COL21A1: variants seen among roughly 807,000 people sequenced by gnomAD.
COL21A1 encodes the protein collagen type XXI alpha 1 chain, also known as collagen alpha-1(XXI) chain.
COL21A1 carries 149 observed loss-of-function variants against 137.9 expected under a neutral mutation model. That is an observed-to-expected ratio of 1.08 (90% confidence interval 0.95 to 1.24). COL21A1 has a LOEUF of 1.24. COL21A1 is among the 50% of genes most tolerant of loss of function. COL21A1 has a pLI of 0.00. For synonymous variants in COL21A1, 456 were observed against 391.5 expected (o/e 1.16, Z -1.95); for missense variants, 1,167 against 1,158.4 (o/e 1.01, Z -0.11).
intron 1 of COL21A1, among the ~76,000 whole-genome samples, chr6:56,238,813 T>C (rs1782077798): frequency 6.6e-6 from 1 of 152,118 alleles, no homozygotes; most frequent in Non-Finnish European, 1.5e-5. Flanking sequence ...TTCCAAAACA[T>C]AGGGATTCAA....
At chr6:56,158,270 T>TC (rs141154293) in intron 9 of COL21A1, among the ~76,000 whole-genome samples, 127 of 110,250 alleles carry the variant, frequency 1.2e-3, no homozygotes, top group Non-Finnish European at 1.9e-3. Context: ...TTTTTTCTTT[T>TC]TTTTTTTTTT....
intron 16 of COL21A1, among the ~76,000 whole-genome samples, chr6:56,102,651 A>C (rs1217461106): frequency 6.6e-6 from 1 of 152,200 alleles, no homozygotes; most frequent in Admixed American, 6.5e-5. Flanking sequence ...AATTATAGAA[A>C]ATAAAGCACA....
At chr6:56,391,126 C>T (rs2094028966) in intron 1 of COL21A1, among the ~76,000 whole-genome samples, 1 of 152,084 alleles carries the variant, frequency 6.6e-6, no homozygotes, top group Non-Finnish European at 1.5e-5. Context: ...AGTAACTTTT[C>T]CAACCACCAT....
intron 1 of COL21A1, among the ~76,000 whole-genome samples, chr6:56,211,157 TTG>T (rs990939754): frequency 1.9e-4 from 19 of 99,586 alleles, no homozygotes; most frequent in Non-Finnish European, 3.7e-4. Context: ...TGTGTAAATT[TTG>T]TGTGTATATG....
intron 1 of COL21A1, among the ~76,000 whole-genome samples, chr6:56,246,743 A>C (rs2152327774): frequency 6.6e-6 from 1 of 152,306 alleles, no homozygotes; most frequent in East Asian, 1.9e-4. Context: ...TATTTCTCAA[A>C]GTTACCAGGT....
chr6:56,386,360 A>T (rs2094018215), intron 1 of COL21A1, among the ~76,000 whole-genome samples: 1 of 152,202 alleles, frequency 6.6e-6, no homozygotes, highest in African/African-American at 2.4e-5. Context: ...GGCTAATGTG[A>T]ATAGTGCTGC....
At chr6:56,115,719 C>A (rs1011121503) in intron 16 of COL21A1, among the ~76,000 whole-genome samples, 2 of 151,922 alleles carry the variant, frequency 1.3e-5, no homozygotes, top group Non-Finnish European at 2.9e-5. Context: ...AAATATGTAA[C>A]CTTTAAGACA....
intron 1 of COL21A1, among the ~76,000 whole-genome samples, chr6:56,311,823 A>G (rs1764622972): frequency 6.6e-6 from 1 of 152,168 alleles, no homozygotes. Context: ...GATCCTTGCA[A>G]TGGCAGAGGG....
chr6:56,082,324 AAAAC>A (rs767299564), intron 17 of COL21A1, among the ~76,000 whole-genome samples: 22 of 145,416 alleles, frequency 1.5e-4, no homozygotes, highest in Admixed American at 1.4e-3. Flanking sequence ...TGGATGTGTT[AAAAC>A]AAACAAACAA....
intron 1 of COL21A1, among the ~76,000 whole-genome samples, chr6:56,259,983 G>T (rs1055007163): frequency 2.4e-4 from 37 of 152,204 alleles, no homozygotes; most frequent in African/African-American, 8.9e-4. Context: ...ATTGAGGAAA[G>T]AAAGCATGGC....
chr6:56,150,560 AC>A (rs770119090), intron 10 of COL21A1, among the ~76,000 whole-genome samples: 13,301 of 145,954 alleles, frequency 0.091, 973 homozygotes, highest in African/African-American at 0.14. Context: ...ACACACACAC[AC>A]ACACAAGAGT....
At chr6:56,251,498 G>A (rs1429572081), upstream of COL21A1, among the ~76,000 whole-genome samples, 1 of 152,176 alleles carries the variant, frequency 6.6e-6, no homozygotes, top group African/African-American at 2.4e-5. Flanking sequence ...ATTTATTCCA[G>A]GCACCAGGCT....
In COL21A1 at chr6:56,124,268, C is replaced by A; in HGVS notation, c.1675G>T (p.Ala559Ser). ...KKGAKGEKGN[A>S]GFPGLPGPAG... ...GGTCCAGGGAGGCCAGGGAAGCCAG[C>A]ATTCCCCTTTTCACCTTTTGCACCC... The change falls in exon 15 of 30, where the codon GCT becomes TCT. Residue 559 changes from alanine (A) to serine (S), a missense_variant. Transcript: ENST00000244728. The A allele has an allele frequency of 6.2e-7, 1 of 1,604,598 alleles. No individual in the cohort carries two copies. The highest frequency in any genetic ancestry group is 8.5e-7 in the Non-Finnish European group (1 of 1,175,214).
At chr6:56,297,876 C>T (rs550338202) in intron 1 of COL21A1, among the ~76,000 whole-genome samples, 2 of 152,140 alleles carry the variant, frequency 1.3e-5, no homozygotes, top group African/African-American at 2.4e-5. Flanking sequence ...TGGTAGCCGT[C>T]TATCATTTTT....
At chr6:56,060,314 C>T (rs939459765) in intron 27 of COL21A1, 96 bp from the exon 28 acceptor site, 155 of 984,718 alleles carry the variant, frequency 1.6e-4, no homozygotes, top group South Asian at 8.1e-4. Context: ...GAAAAAACTA[C>T]GAACATTGAA....
At chr6:56,309,124 C>A (rs1764541263) in intron 1 of COL21A1, among the ~76,000 whole-genome samples, 1 of 151,854 alleles carries the variant, frequency 6.6e-6, no homozygotes, top group African/African-American at 2.4e-5. Context: ...CTCACTGCAA[C>A]CTCTGCCTCC....
intron 23 of COL21A1, among the ~76,000 whole-genome samples, chr6:56,065,797 TTAACA>T (rs1264530492): frequency 6.6e-6 from 1 of 151,942 alleles, no homozygotes; most frequent in African/African-American, 2.4e-5. Context: ...AGGCTTTATC[TTAACA>T]TGTGTGGGGC....
At chr6:56,145,386 A>T (rs1774754971) in intron 10 of COL21A1, among the ~76,000 whole-genome samples, 2 of 152,214 alleles carry the variant, frequency 1.3e-5, no homozygotes, top group Admixed American at 6.5e-5. Context: ...AAACATGGTT[A>T]GTAACAAAAT....
At chr6:56,342,518 A>T (rs1395916689) in intron 1 of COL21A1, among the ~76,000 whole-genome samples, 1 of 152,226 alleles carries the variant, frequency 6.6e-6, no homozygotes, top group East Asian at 1.9e-4. Context: ...CTGATGCTAC[A>T]CTAAGAAGAC....
Sources: allele counts gnomAD v4.1 joint callset (sites outside exome capture counted in the v4.1 genomes callset), GRCh38; gene constraint gnomAD v4.1.1; transcripts MANE v1.5; gene names NCBI Gene and HGNC (gene_info 2026-07-23, HGNC 2026-07-21).